The following CEP83 variants were observed in gnomAD, a reference collection of about 807,000 sequenced individuals.
The protein encoded by CEP83 is centrosomal protein 83.
Under a neutral mutation model 101.9 loss-of-function variants are expected in CEP83, and 70 were observed. The ratio of observed to expected loss-of-function variants is 0.69; its 90% CI spans 0.57 to 0.84. The LOEUF (loss-of-function observed/expected upper bound fraction) is 0.84. CEP83 is among the 40% of genes least tolerant of loss of function. The pLI is 0.00. For missense variants in CEP83, 715 were observed against 787.2 expected, an observed-to-expected ratio of 0.91 and a Z score of 1.10; for synonymous variants, 264 against 267.9, an observed-to-expected ratio of 0.99 and a Z score of 0.14.
chr12:94,295,309 T>C, the CEP83 span, among the ~76,000 whole-genome samples: 1 of 152,158 alleles, frequency 6.6e-6, no homozygotes, highest in East Asian at 1.9e-4. Flanking sequence ...GACAGGATAA[T>C]TGGGTAGGAC....
intron 1 of CEP83, among the ~76,000 whole-genome samples, chr12:94,455,059 T>C (rs1362275745): frequency 6.6e-6 from 1 of 152,010 alleles, no homozygotes; most frequent in Admixed American, 6.6e-5. Context: ...ACTGCAACAT[T>C]CACCACGAGG....
chr12:94,274,155 TAAAAAAA>T, the CEP83 span, among the ~76,000 whole-genome samples: 350 of 45,360 alleles, frequency 7.7e-3, 1 homozygote, highest in Middle Eastern at 0.02. Flanking sequence ...ACCCTGTCTC[TAAAAAAA>T]AAAAAAAAAA....
chr12:94,455,395 T>C (rs1048058622), intron 1 of CEP83, among the ~76,000 whole-genome samples: 2 of 152,202 alleles, frequency 1.3e-5, no homozygotes, highest in African/African-American at 4.8e-5. Context: ...TGCAATTGTG[T>C]TACTGGGCAA....
Position 94,368,139 on chromosome 12 carries a change from C to T in CEP83, c.1111G>A (p.Glu371Lys), listed in dbSNP as rs1210006237. ...AVEHHKVLLV[E>K]KDRELIRKVQ... ...TTACGTATTAATTCACGATCCTTTT[C>T]TACTAAGAGCACTTTGTGATGTTCA... Residue 371 changes from glutamate (E) to lysine (K), a missense_variant, in exon 10 of 17, where the codon GAA (glutamate) becomes AAA (lysine). Transcript: ENST00000397809. 1 of 1,612,756 alleles carries T rather than the reference C, an allele frequency of 6.2e-7. No homozygotes were observed. The highest frequency in any genetic ancestry group is 1.1e-5 in the South Asian group (1 of 90,956).
At position 94,344,876 on chromosome 12, in the gene CEP83, A is replaced by C. The variant is rs192222018; in HGVS notation, c.1344-9212T>G. ...CTAGAAAAGCCAAAAGAATTTAGACAAAAAAGAACCAGGTAGAGGACGTGC... is the reference window on the plus strand; with the variant it reads ...CTAGAAAAGCCAAAAGAATTTAGACCAAAAAGAACCAGGTAGAGGACGTGC... On this transcript the variant is annotated intron_variant, in intron 11 of 16. Transcript: ENST00000397809. Among the ~76,000 whole-genome samples the C allele has an allele frequency of 1.5e-3, 230 of 152,322 alleles. 1 individual carries two copies. Among genetic ancestry groups the C allele is most frequent in the South Asian group, 8.3e-4 (4 of 4,828 alleles).
At chr12:94,370,644 C>A (rs1053278628) in intron 8 of CEP83, among the ~76,000 whole-genome samples, 4 of 151,558 alleles carry the variant, frequency 2.6e-5, no homozygotes, top group Non-Finnish European at 4.4e-5. Context: ...TCCTAAAGTG[C>A]TAGGATTATA....
chr12:94,351,185 T>C (rs1415326505), intron 11 of CEP83, among the ~76,000 whole-genome samples: 1 of 152,030 alleles, frequency 6.6e-6, no homozygotes, highest in Non-Finnish European at 1.5e-5. Context: ...CCCCATTGTG[T>C]GAGAAATGGT....
chr12:94,401,013 TA>T, intron 5 of CEP83, 32 bp from the exon 6 acceptor site: 1 of 1,265,928 alleles, frequency 7.9e-7, no homozygotes, highest in Non-Finnish European at 1.0e-6. Flanking sequence ...CATAGATTTA[TA>T]AACAAAATTC....
At chr12:94,333,045 C>CAAAAAAA (rs34900007) in intron 13 of CEP83, among the ~76,000 whole-genome samples, 10 of 73,156 alleles carry the variant, frequency 1.4e-4, no homozygotes, top group South Asian at 4.8e-4. Context: ...ATTTTAAGAC[C>CAAAAAAA]AAAAAAAAAA....
At chr12:94,384,316 G>A (rs1190488085) in intron 6 of CEP83, among the ~76,000 whole-genome samples, 1 of 151,978 alleles carries the variant, frequency 6.6e-6, no homozygotes, top group Non-Finnish European at 1.5e-5. Context: ...TTTTCTAATT[G>A]TTTTCCCCAA....
At chr12:94,353,865 AAAAGTTTTTAAGCTGT>A (rs1457113509) in intron 11 of CEP83, among the ~76,000 whole-genome samples, 2 of 152,138 alleles carry the variant, frequency 1.3e-5, no homozygotes, top group African/African-American at 4.8e-5. Flanking sequence ...TGTAAAAAAA[AAAAGTTTTTAAGCTGT>A]AAAGAGACAA....
At chr12:94,403,755 T>A (rs988990328) in intron 4 of CEP83, among the ~76,000 whole-genome samples, 2 of 152,186 alleles carry the variant, frequency 1.3e-5, no homozygotes, top group African/African-American at 4.8e-5. Context: ...TAAATATTTA[T>A]GTAAGTCCCA....
intron 15 of CEP83, among the ~76,000 whole-genome samples, chr12:94,312,068 C>T (rs924692994): frequency 6.6e-6 from 1 of 151,746 alleles, no homozygotes; most frequent in African/African-American, 2.4e-5. Flanking sequence ...GACGAAGACC[C>T]CATGTTTAAA....
chr12:94,325,248 T>C (rs552782126), intron 14 of CEP83, among the ~76,000 whole-genome samples: 35 of 152,006 alleles, frequency 2.3e-4, no homozygotes, highest in Admixed American at 1.2e-3. Context: ...CTCCGCTCAC[T>C]GCAACCTCTG....
At chr12:94,411,868 T>A (rs1168865314) in intron 3 of CEP83, 21 bp from the exon 4 acceptor site, 1 of 1,592,712 alleles carries the variant, frequency 6.3e-7, no homozygotes. Flanking sequence ...TTAAAGAGAA[T>A]TCAATTTTGA....
rs939698497 is a variant in CEP83, at chr12:94,313,034, G to A, written c.1708-17C>T. 2.7e-6 allele frequency: 3 copies of A among 1,112,414 alleles called. No homozygotes were observed. The highest frequency in any genetic ancestry group is 2.7e-5 in the South Asian group (2 of 75,028). The allele number at this position is 1,112,414 out of a possible 1,614,324, so 68.9% of individuals were successfully genotyped here. On this transcript the variant is annotated splice_polypyrimidine_tract_variant and intron_variant, in intron 14 of 16. Coordinates refer to ENST00000397809, the MANE Select transcript of CEP83 (RefSeq NM_016122.3). ...AGATTTTCTCTAAAAAGAGAAATATGAACAAGTATGTTAATACATAATCTC... is the reference window on the plus strand; with the variant it reads ...AGATTTTCTCTAAAAAGAGAAATATAAACAAGTATGTTAATACATAATCTC...
chr12:94,459,344 A>G (rs183146274), intron 1 of CEP83, among the ~76,000 whole-genome samples: 8 of 152,308 alleles, frequency 5.3e-5, no homozygotes, highest in African/African-American at 1.7e-4. Context: ...CGTCTGGCCA[A>G]TTACCAAACT....
At chr12:94,333,858 C>A (rs1296829845) in intron 12 of CEP83, among the ~76,000 whole-genome samples, 1 of 152,070 alleles carries the variant, frequency 6.6e-6, no homozygotes, top group Non-Finnish European at 1.5e-5. Flanking sequence ...GTCACTGAGT[C>A]CCCTCCCTCT....
At chr12:94,421,477 T>C (rs1474053979) in intron 2 of CEP83, among the ~76,000 whole-genome samples, 2 of 152,198 alleles carry the variant, frequency 1.3e-5, no homozygotes, top group African/African-American at 4.8e-5. Context: ...TCCTGTTGGC[T>C]TAATTCTCCT....
Sources: gnomAD v4.1 joint callset for allele counts (sites outside exome capture counted in the v4.1 genomes callset) on GRCh38, gnomAD v4.1.1 for gene constraint, MANE v1.5 for transcripts, NCBI Gene and HGNC (gene_info 2026-07-23, HGNC 2026-07-21) for gene names.